The following TOGARAM1 variants were observed in gnomAD, a reference collection of about 807,000 sequenced individuals.
The protein encoded by TOGARAM1 is TOG array regulator of axonemal microtubules 1.
Under a neutral mutation model 166.6 loss-of-function variants are expected in TOGARAM1, and 100 were observed. That is an observed-to-expected ratio of 0.60 (90% CI 0.51 to 0.71). TOGARAM1 has a LOEUF of 0.71. Among genes scored for constraint, TOGARAM1 ranks in the 30% least tolerant of loss-of-function variants. The pLI is 0.00. For missense variants in TOGARAM1, 2,029 were observed against 2,102.7 expected (o/e 0.96, Z 0.69); for synonymous variants, 758 against 763.8 (o/e 0.99, Z 0.13).
chr14:44,962,301 A>C lies in TOGARAM1; in HGVS notation c.-121A>C. On this transcript the variant is annotated 5_prime_UTR_variant, in exon 1 of 20. Coordinates refer to ENST00000361462, the MANE Select transcript of TOGARAM1 (RefSeq NM_001308120.2). The stretch of plus-strand genomic sequence containing the variant: ...TTGGGGGCGGCCTGGCGGCAGGCTG[A>C]AGCTGTTCTTTTGCCTCTTCTGCAG... 1 of 1,286,510 alleles carries C rather than the reference A, an allele frequency of 7.8e-7. No individual in the cohort carries two copies. The highest frequency in any genetic ancestry group is 1.0e-6 in the Non-Finnish European group (1 of 972,176). 79.7% of individuals were successfully genotyped at this position (1,286,510 alleles called of 1,614,324 possible).
At chr14:45,021,680 G>A (rs781007070) in intron 7 of TOGARAM1, among the ~76,000 whole-genome samples, 1 of 152,130 alleles carries the variant, frequency 6.6e-6, no homozygotes, top group Non-Finnish European at 1.5e-5. Context: ...CTTTAACCGC[G>A]GTTGGGGTAG....
chr14:44,995,668 G>A, intron 1 of TOGARAM1, 78 bp from the exon 2 acceptor site: 2 of 975,330 alleles, frequency 2.1e-6, no homozygotes, highest in Non-Finnish European at 3.0e-6. Context: ...TTTCATAATT[G>A]GATCTAAGTT....
At chr14:45,029,204 G>A (rs1356519188) in intron 10 of TOGARAM1, among the ~76,000 whole-genome samples, 2 of 152,120 alleles carry the variant, frequency 1.3e-5, no homozygotes, top group Middle Eastern at 3.2e-3. Context: ...GTAGGTGTTT[G>A]TGAAATTTAA....
chr14:44,995,503 G>A (rs1481325819), intron 1 of TOGARAM1: 1 of 511,674 alleles, frequency 2.0e-6, no homozygotes, highest in African/African-American at 1.9e-5. Flanking sequence ...GCTGTAGGAT[G>A]GTAAGGAACA....
intron 1 of TOGARAM1, among the ~76,000 whole-genome samples, chr14:44,974,634 G>A (rs1886081430): frequency 6.6e-6 from 1 of 152,060 alleles, no homozygotes; most frequent in Non-Finnish European, 1.5e-5. Flanking sequence ...ATACTGTTAA[G>A]GTGTGGGAGG....
intron 16 of TOGARAM1, among the ~76,000 whole-genome samples, chr14:45,056,842 G>C (rs2138983179): frequency 6.6e-6 from 1 of 152,222 alleles, no homozygotes; most frequent in Admixed American, 6.5e-5. Context: ...TCTTTGCCTT[G>C]TTTTGGTATC....
chr14:45,000,032 G>A (rs531022210), intron 3 of TOGARAM1, among the ~76,000 whole-genome samples: 5 of 151,830 alleles, frequency 3.3e-5, no homozygotes, highest in East Asian at 3.9e-4. Flanking sequence ...TTGCTCTGTC[G>A]CCCAGGCTGG....
intron 1 of TOGARAM1, among the ~76,000 whole-genome samples, chr14:44,982,305 T>C (rs1886580323): frequency 6.6e-6 from 1 of 152,214 alleles, no homozygotes; most frequent in Non-Finnish European, 1.5e-5. Flanking sequence ...CTTTTTGTGC[T>C]CTGACATATT....
chr14:45,031,493 A>G (rs567073728), intron 10 of TOGARAM1, among the ~76,000 whole-genome samples: 1 of 152,332 alleles, frequency 6.6e-6, no homozygotes, highest in South Asian at 2.1e-4. Context: ...ATCGATAGAG[A>G]AAATCAACTA....
At position 45,008,994 on chromosome 14, in the gene TOGARAM1, A is replaced by G; in HGVS notation, c.2986A>G (p.Ser996Gly). The change falls in exon 6 of 20, where the codon AGC becomes GGC. Residue 996 changes from serine to glycine, a missense_variant. By Grantham distance (56) the Ser-to-Gly change is moderately conservative. This residue lies in a region of TOGARAM1 where 1,453 missense variants were observed against 1,432.2 expected (regional missense o/e 1.01). Transcript: ENST00000361462. ...KLSGSTSDLE[S>G]PDSAMKLDLT... Reference sequence around the variant, plus strand: ...GAGTGGCAGTACTTCAGATCTTGAAAGCCCTGATTCTGCAATGAAGCTCGA... The same window carrying G: ...GAGTGGCAGTACTTCAGATCTTGAAGGCCCTGATTCTGCAATGAAGCTCGA... The G allele has an allele frequency of 3.1e-6, 5 of 1,614,134 alleles. No homozygotes were observed. Among genetic ancestry groups the G allele is most frequent in the Non-Finnish European group, 4.2e-6 (5 of 1,179,994 alleles).
At chr14:44,972,266 G>A (rs1476547253) in intron 1 of TOGARAM1, among the ~76,000 whole-genome samples, 1 of 151,914 alleles carries the variant, frequency 6.6e-6, no homozygotes, top group East Asian at 1.9e-4. Context: ...TTGTTAAAGT[G>A]TGTGTGTGTT....
intron 14 of TOGARAM1, among the ~76,000 whole-genome samples, chr14:45,051,580 G>C (rs1389401308): frequency 9.3e-6 from 1 of 107,414 alleles, no homozygotes; most frequent in African/African-American, 4.2e-5. Flanking sequence ...TTTTTTTTGA[G>C]ACGCAGTCTC....
In TOGARAM1 at chr14:44,964,426, A is replaced by T. The variant is rs1323732726; in HGVS notation, c.2005A>T (p.Met669Leu). The stretch of plus-strand genomic sequence containing the variant: ...ATGGGAAAATGAGCAACCTGGAATC[A>T]TGGGAGAAAACCAGACCTCCACTTC... ...LPWENEQPGIMGENQTSTSKD... is the reference protein window; with the variant it reads ...LPWENEQPGILGENQTSTSKD... Residue 669 changes from methionine (M) to leucine (L), a missense_variant, in exon 1 of 20, where the codon ATG (methionine) becomes TTG (leucine). Met to Leu is a conservative substitution (Grantham distance 15, BLOSUM62 2). Coordinates refer to ENST00000361462, the MANE Select transcript of TOGARAM1 (RefSeq NM_001308120.2). 2 of 1,604,732 alleles carry T rather than the reference A, an allele frequency of 1.2e-6. No individual in the cohort carries two copies. The highest frequency in any genetic ancestry group is 1.3e-5 in the African/African-American group (1 of 74,616).
At position 45,046,655 on chromosome 14, in the gene TOGARAM1, T is replaced by G; in HGVS notation, c.4265T>G (p.Ile1422Arg). 7.4e-7 allele frequency: 1 copy of G among 1,345,586 alleles called. No homozygotes were observed. Among genetic ancestry groups the G allele is most frequent in the Non-Finnish European group, 9.6e-7 (1 of 1,040,662 alleles). 83.4% of individuals were successfully genotyped at this position (1,345,586 alleles called of 1,614,324 possible). Residue 1422 changes from isoleucine (I) to arginine (R), a missense_variant, in exon 14 of 20, where the codon ATA becomes AGA. By Grantham distance (97) the Ile-to-Arg change is moderately conservative. Coordinates refer to ENST00000361462, the MANE Select transcript of TOGARAM1 (RefSeq NM_001308120.2). ...LSAAKDMAER[I>R]LPAAAKFAQD... ...GCAGCAAAGGATATGGCTGAACGCATATTACCAGCTGCTGCTAAGTTTGCT... is the reference window on the plus strand; with the variant it reads ...GCAGCAAAGGATATGGCTGAACGCAGATTACCAGCTGCTGCTAAGTTTGCT...
intron 17 of TOGARAM1, among the ~76,000 whole-genome samples, chr14:45,068,203 T>C (rs1209169582): frequency 6.6e-6 from 1 of 152,158 alleles, no homozygotes; most frequent in East Asian, 1.9e-4. Flanking sequence ...TTTGGGGTGA[T>C]TTTTGAGGCC....
At chr14:45,033,946 G>T (rs1437762353) in intron 11 of TOGARAM1, among the ~76,000 whole-genome samples, 3 of 152,138 alleles carry the variant, frequency 2.0e-5, no homozygotes, top group Non-Finnish European at 2.9e-5. Flanking sequence ...TTGAGGTCAG[G>T]AGTTCGAGAC....
At chr14:45,053,701 C>T (rs918262995) in intron 15 of TOGARAM1, among the ~76,000 whole-genome samples, 1 of 151,886 alleles carries the variant, frequency 6.6e-6, no homozygotes, top group African/African-American at 2.4e-5. Flanking sequence ...AAGCAGATTG[C>T]ATCTGTGAGT....
rs1566589927 is a variant in TOGARAM1, at chr14:44,963,749, T to C, written c.1328T>C (p.Val443Ala). The change falls in exon 1 of 20, where the codon GTG becomes GCG. Residue 443 changes from valine (V) to alanine (A), a missense_variant. Transcript: ENST00000361462. ...CCAGTTATAGCAGCTTCTGTCAAAG[T>C]GCTGGCGGACAACAAGTTGGTGATC... ...LGPVIAASVK[V>A]LADNKLVIKQ... is the part of the protein sequence containing the mutation. 2 of 1,613,878 alleles carry C rather than the reference T, an allele frequency of 1.2e-6. No individual in the cohort carries two copies. The highest frequency in any genetic ancestry group is 1.7e-6 in the Non-Finnish European group (2 of 1,179,846).
intron 7 of TOGARAM1, among the ~76,000 whole-genome samples, chr14:45,016,413 G>A (rs1235061444): frequency 6.6e-6 from 1 of 152,178 alleles, no homozygotes; most frequent in Non-Finnish European, 1.5e-5. Flanking sequence ...CGGGTGCAGT[G>A]GCTCACGCCT....
Sources: allele counts gnomAD v4.1 joint callset (sites outside exome capture counted in the v4.1 genomes callset), GRCh38; gene constraint gnomAD v4.1.1; regional missense constraint gnomAD v4.1.1; transcripts MANE v1.5; gene names NCBI Gene and HGNC (gene_info 2026-07-23, HGNC 2026-07-21).